FGD2: variants seen among roughly 807,000 people sequenced by gnomAD.
The protein encoded by FGD2 is FYVE, RhoGEF and PH domain-containing protein 2.
Under a neutral mutation model 75.9 loss-of-function variants are expected in FGD2, and 52 were observed. That is an observed-to-expected ratio of 0.69 (90% CI 0.55 to 0.86). The LOEUF (loss-of-function observed/expected upper bound fraction) is 0.86, where lower values mean the gene tolerates loss of function less well. FGD2 is among the 40% of genes least tolerant of loss of function. The probability of loss-of-function intolerance (pLI) is 0.00; values close to 1 mark genes in which losing one functional copy is unlikely to be tolerated. For missense variants in FGD2, 790 were observed against 872.0 expected (o/e 0.91, Z 1.18); for synonymous variants, 347 against 348.6 (o/e 1.00, Z 0.05).
chr6:37,016,466 G>A (rs1765298946), intron 9 of FGD2, among the ~76,000 whole-genome samples: 1 of 151,958 alleles, frequency 6.6e-6, no homozygotes, highest in Admixed American at 6.6e-5. Flanking sequence ...GTCCATGATG[G>A]AGCCCATGGG....
chr6:37,020,641 G>C (rs1381171464), intron 10 of FGD2, 21 bp downstream of exon 10: 1 of 1,592,916 alleles, frequency 6.3e-7, no homozygotes, highest in African/African-American at 1.3e-5. Flanking sequence ...TGGGGTGGCG[G>C]CCCAGGGCCA....
intron 1 of FGD2, among the ~76,000 whole-genome samples, chr6:37,006,310 G>A (rs1764748259): frequency 6.6e-6 from 1 of 152,200 alleles, no homozygotes; most frequent in Admixed American, 6.5e-5. Flanking sequence ...GGTTGTGGGG[G>A]AGGCATTACA....
At chr6:37,020,317 A>G (rs541105498) in intron 9 of FGD2, among the ~76,000 whole-genome samples, 228 of 84,360 alleles carry the variant, frequency 2.7e-3, no homozygotes, top group African/African-American at 0.015. Context: ...AGCTGCTGCT[A>G]AAATTCCAGG....
intron 11 of FGD2, among the ~76,000 whole-genome samples, chr6:37,021,186 G>A (rs1264030992): frequency 2.0e-5 from 3 of 152,080 alleles, no homozygotes; most frequent in Non-Finnish European, 2.9e-5. Flanking sequence ...CCACACCTGC[G>A]TGTGCTCAGC....
In FGD2 at chr6:37,025,803, C is replaced by A; in HGVS notation, c.1470C>A (p.Ala490=). ...HCRACGYVVC[A]RCSDYRAELK... ...TGTGTCCTCCTCAGGTGGTGTGTGCCAGGTGCTCCGACTACCGGGCCGAAC... is the reference window on the plus strand; with the variant it reads ...TGTGTCCTCCTCAGGTGGTGTGTGCAAGGTGCTCCGACTACCGGGCCGAAC... The change falls in exon 14 of 16, where the codon GCC becomes GCA. Residue 490 remains alanine, a synonymous_variant. Coordinates refer to ENST00000274963, the MANE Select transcript of FGD2 (RefSeq NM_173558.4). 6.2e-7 allele frequency: 1 copy of A among 1,614,184 alleles called. No homozygotes were observed.
chr6:37,027,916 G>A (rs1436218753), intron 15 of FGD2, 32 bp from the exon 16 acceptor site: 1 of 1,606,994 alleles, frequency 6.2e-7, no homozygotes. Flanking sequence ...ACTGAGAGGG[G>A]ACAGTGGCCC....
intron 2 of FGD2, among the ~76,000 whole-genome samples, chr6:37,010,687 A>G (rs72848057): frequency 0.13 from 19,327 of 152,112 alleles, 1,280 homozygotes; most frequent in Non-Finnish European, 0.14. Context: ...AGGTCTCCCT[A>G]TCAGAGCTGC....
intron 4 of FGD2, among the ~76,000 whole-genome samples, chr6:37,012,550 A>T (rs1421999948): frequency 6.6e-6 from 1 of 151,996 alleles, no homozygotes; most frequent in Non-Finnish European, 1.5e-5. Context: ...CATCTCTACC[A>T]AAAATACAAA....
intron 14 of FGD2, chr6:37,026,213 G>C: frequency 2.0e-6 from 2 of 985,362 alleles, no homozygotes; most frequent in Non-Finnish European, 2.4e-6. Context: ...CCGATAGTAC[G>C]GCCCCTCTGG....
chr6:37,019,407 C>T (rs1375805470), intron 9 of FGD2, among the ~76,000 whole-genome samples: 2 of 152,210 alleles, frequency 1.3e-5, no homozygotes, highest in Admixed American at 1.3e-4. Flanking sequence ...CTAGGCCTAA[C>T]CTGAGGAAAG....
chr6:37,008,136 C>T (rs770729055), intron 1 of FGD2, among the ~76,000 whole-genome samples: 11 of 152,150 alleles, frequency 7.2e-5, no homozygotes, highest in Non-Finnish European at 1.3e-4. Flanking sequence ...GTTTGGCCTT[C>T]CATTTCCTGG....
At chr6:37,022,188 G>T in intron 12 of FGD2, 51 bp from the exon 13 acceptor site, 1 of 1,568,360 alleles carries the variant, frequency 6.4e-7, no homozygotes, top group Non-Finnish European at 8.6e-7. Context: ...GAGGATGGGC[G>T]GAAGAAGGTC....
chr6:37,026,239 G>A lies in FGD2; in HGVS notation c.1605+301G>A, dbSNP rs567004244. The A allele has an allele frequency of 8.4e-5, 83 of 985,334 alleles. No individual in the cohort carries two copies. In the South Asian group the frequency reaches 2.7e-3, roughly 32 times the overall value. 61.0% of individuals were successfully genotyped at this position (985,334 alleles called of 1,614,324 possible). ...GCCCCTCTGGACAGCTCATGTTCAC[G>A]TCCCCATGTCCTGCCCCGACAGTCC... On this transcript the variant is annotated intron_variant, in intron 14 of 15. Transcript: ENST00000274963.
At chr6:37,021,205 G>C (rs1765576497) in intron 11 of FGD2, among the ~76,000 whole-genome samples, 1 of 152,038 alleles carries the variant, frequency 6.6e-6, no homozygotes, top group African/African-American at 2.4e-5. Context: ...GCTGCTCCCT[G>C]CTCTTCCTAA....
At chr6:37,021,990 T>A in intron 12 of FGD2, 1 of 531,024 alleles carries the variant, frequency 1.9e-6, no homozygotes. Context: ...GAACTCTGGC[T>A]TGCTGAGTGA....
chr6:37,020,785 CTTTT>C (rs1561938299), intron 11 of FGD2, 46 bp downstream of exon 11: 1 of 1,549,456 alleles, frequency 6.5e-7, no homozygotes, highest in Admixed American at 2.0e-5. Flanking sequence ...TCCTTTCTTT[CTTTT>C]TTCTTTTTTT....
At chr6:37,024,916 T>C (rs1765746775) in intron 13 of FGD2, 1 of 152,292 alleles carries the variant, frequency 6.6e-6, no homozygotes, top group South Asian at 2.1e-4. Flanking sequence ...GGCCACACTC[T>C]GTGCTGGGCA....
At chr6:37,020,953 T>A in intron 11 of FGD2, among the ~76,000 whole-genome samples, 1 of 150,864 alleles carries the variant, frequency 6.6e-6, no homozygotes, top group Non-Finnish European at 1.5e-5. Context: ...TGTGCATGTC[T>A]GTGTCTGTGT....
At position 37,027,540 on chromosome 6, in the gene FGD2, G is replaced by T; in HGVS notation, c.1717G>T (p.Asp573Tyr). ...GGGCTGGTGTGTGATCCCTCGGGAT[G>T]ACCCCCTCGTGCTCTATGTCTATGC... ...PRGWCVIPRD[D>Y]PLVLYVYAAP... Residue 573 changes from aspartate to tyrosine, a missense_variant, in exon 15 of 16, where the codon GAC (aspartate) becomes TAC (tyrosine). Physicochemically the swap from Asp to Tyr is radical, Grantham distance 160 (BLOSUM62 -3). Transcript: ENST00000274963. The T allele has an allele frequency of 6.2e-7, 1 of 1,614,118 alleles. No individual in the cohort carries two copies. The highest frequency in any genetic ancestry group is 8.5e-7 in the Non-Finnish European group (1 of 1,179,994).
Sources: gnomAD v4.1 joint callset for allele counts (sites outside exome capture counted in the v4.1 genomes callset) on GRCh38, gnomAD v4.1.1 for gene constraint, MANE v1.5 for transcripts, NCBI Gene and HGNC (gene_info 2026-07-23, HGNC 2026-07-21) for gene names.